Variants in SAMD3 observed in about 807,000 individuals in gnomAD.
The protein encoded by SAMD3 is sterile alpha motif domain-containing protein 3.
In SAMD3, 63 loss-of-function variants were observed where a neutral mutation model predicts 58.5. The ratio of observed to expected loss-of-function variants is 1.08; its 90% CI spans 0.88 to 1.33. The LOEUF is 1.33. SAMD3 is among the 40% of genes most tolerant of loss of function. The pLI is 0.00. For synonymous variants in SAMD3, 220 were observed against 210.3 expected (o/e 1.05, Z -0.40); for missense variants, 604 against 608.4 (o/e 0.99, Z 0.08).
chr6:130,299,022 A>C (rs1382612458), intron 2 of SAMD3, among the ~76,000 whole-genome samples: 1 of 152,220 alleles, frequency 6.6e-6, no homozygotes, highest in Non-Finnish European at 1.5e-5. Context: ...GGGTGACTTC[A>C]ACACTCCACT....
intron 1 of SAMD3, among the ~76,000 whole-genome samples, chr6:130,340,564 G>A (rs951989308): frequency 6.6e-6 from 1 of 152,158 alleles, no homozygotes; most frequent in Non-Finnish European, 1.5e-5. Flanking sequence ...CTGGGGGATT[G>A]GGGTATGGAC....
chr6:130,242,616 A>G (rs753569480), intron 2 of SAMD3, among the ~76,000 whole-genome samples: 18 of 152,232 alleles, frequency 1.2e-4, no homozygotes, highest in African/African-American at 3.6e-4. Flanking sequence ...AGGAATAAGA[A>G]GGAAGTGGCC....
chr6:130,190,213 C>A (rs1036497277), intron 5 of SAMD3, among the ~76,000 whole-genome samples: 3 of 152,058 alleles, frequency 2.0e-5, no homozygotes, highest in African/African-American at 7.2e-5. Flanking sequence ...ACCAATTTTG[C>A]GGTTTCCTAG....
intron 1 of SAMD3, among the ~76,000 whole-genome samples, chr6:130,343,940 G>A (rs1777356439): frequency 6.6e-6 from 1 of 150,782 alleles, no homozygotes; most frequent in Non-Finnish European, 1.5e-5. Flanking sequence ...AATCCAGCCT[G>A]GGCGACAAAG....
At chr6:130,340,325 G>T (rs1777230440) in intron 1 of SAMD3, among the ~76,000 whole-genome samples, 1 of 152,158 alleles carries the variant, frequency 6.6e-6, no homozygotes, top group Non-Finnish European at 1.5e-5. Flanking sequence ...TCTTTGACCT[G>T]TGGCCTCTTC....
intron 2 of SAMD3, among the ~76,000 whole-genome samples, chr6:130,253,128 G>A (rs1773800309): frequency 6.6e-6 from 1 of 152,190 alleles, no homozygotes; most frequent in Non-Finnish European, 1.5e-5. Flanking sequence ...AATTGCGCAG[G>A]AGATGCAGTG....
rs569679708 is a variant in SAMD3, at chr6:130,263,155, T to C, written c.-187-40342A>G. ...AATGTAAAATGGTATTTGGCTTTCTTTGGTTTAAAACCTAATAAAAATAGG... is the reference window on the plus strand; with the variant it reads ...AATGTAAAATGGTATTTGGCTTTCTCTGGTTTAAAACCTAATAAAAATAGG... On this transcript the variant is annotated intron_variant, in intron 2 of 13. Coordinates refer to the SAMD3 transcript ENST00000368134. Among the ~76,000 whole-genome samples the C allele has an allele frequency of 3.5e-3, 526 of 152,298 alleles. 5 individuals carry two copies. Among genetic ancestry groups the C allele is most frequent in the African/African-American group, 0.012 (504 of 41,562 alleles).
chr6:130,187,965 A>G (rs1793160165), intron 5 of SAMD3, among the ~76,000 whole-genome samples: 1 of 152,214 alleles, frequency 6.6e-6, no homozygotes, highest in Non-Finnish European at 1.5e-5. Context: ...ATCAGAGTTC[A>G]CTGCTTACTA....
At chr6:130,341,346 T>C (rs529081972) in intron 1 of SAMD3, among the ~76,000 whole-genome samples, 1 of 152,358 alleles carries the variant, frequency 6.6e-6, no homozygotes, top group East Asian at 1.9e-4. Context: ...TAGGAATGCC[T>C]AGTTCTTGTT....
intron 5 of SAMD3, among the ~76,000 whole-genome samples, chr6:130,197,119 C>T (rs1192998092): frequency 6.6e-6 from 1 of 152,214 alleles, no homozygotes; most frequent in Non-Finnish European, 1.5e-5. Flanking sequence ...TTACTACTTT[C>T]CCTTCTCAGA....
chr6:130,244,976 G>A (rs1582999312), intron 2 of SAMD3, among the ~76,000 whole-genome samples: 1 of 152,160 alleles, frequency 6.6e-6, no homozygotes, highest in Non-Finnish European at 1.5e-5. Flanking sequence ...ACGCATGCAT[G>A]GAAAGCAGTA....
intron 2 of SAMD3, among the ~76,000 whole-genome samples, chr6:130,245,529 G>T (rs1224777803): frequency 2.0e-5 from 3 of 152,194 alleles, no homozygotes; most frequent in Admixed American, 1.3e-4. Context: ...GAGGTCACTG[G>T]CACCTGCCAG....
At chr6:130,315,270 T>C (rs1336441750) in intron 1 of SAMD3, among the ~76,000 whole-genome samples, 1 of 152,160 alleles carries the variant, frequency 6.6e-6, no homozygotes, top group Non-Finnish European at 1.5e-5. Context: ...GATACATATA[T>C]ATAAAAGAAG....
At chr6:130,170,223 G>A (rs1444238129) in intron 8 of SAMD3, among the ~76,000 whole-genome samples, 1 of 152,120 alleles carries the variant, frequency 6.6e-6, no homozygotes, top group African/African-American at 2.4e-5. Context: ...ACAGGCCCTG[G>A]TGTGTGATGT....
chr6:130,288,293 A>T (rs984241619), intron 2 of SAMD3, among the ~76,000 whole-genome samples: 8 of 152,246 alleles, frequency 5.3e-5, no homozygotes, highest in Admixed American at 3.9e-4. Context: ...AAATTTTGGC[A>T]GGAGTCAATG....
chr6:130,337,520 C>T (rs1055637414), intron 1 of SAMD3, among the ~76,000 whole-genome samples: 7 of 152,086 alleles, frequency 4.6e-5, no homozygotes, highest in African/African-American at 1.7e-4. Context: ...TATAAAGATA[C>T]CCAAAAATGT....
At chr6:130,345,810 C>G (rs1304182500) in intron 1 of SAMD3, among the ~76,000 whole-genome samples, 1 of 152,144 alleles carries the variant, frequency 6.6e-6, no homozygotes, top group Non-Finnish European at 1.5e-5. Flanking sequence ...GCTCAAGAAG[C>G]AAAAGGCAGA....
At chr6:130,235,913 T>C (rs1218869523) in intron 2 of SAMD3, among the ~76,000 whole-genome samples, 1 of 152,218 alleles carries the variant, frequency 6.6e-6, no homozygotes, top group African/African-American at 2.4e-5. Context: ...ACTATTGTTA[T>C]GTTCACTCTG....
chr6:130,343,242 T>C (rs904247327), intron 1 of SAMD3, among the ~76,000 whole-genome samples: 13 of 151,906 alleles, frequency 8.6e-5, no homozygotes, highest in African/African-American at 3.1e-4. Flanking sequence ...CTGAGTCAAC[T>C]CCAAGTCTCC....
Sources: gnomAD v4.1 joint callset for allele counts (sites outside exome capture counted in the v4.1 genomes callset) on GRCh38, gnomAD v4.1.1 for gene constraint, MANE v1.5 for transcripts, NCBI Gene and HGNC (gene_info 2026-07-23, HGNC 2026-07-21) for gene names.